ROS1: variants seen among roughly 807,000 people sequenced by gnomAD.
The protein encoded by ROS1 is ROS proto-oncogene 1, receptor tyrosine kinase.
A neutral mutation model predicts 273.5 loss-of-function variants in ROS1; 263 were observed. That is an observed-to-expected ratio of 0.96 (90% CI 0.87 to 1.06). ROS1 has a LOEUF of 1.06. Ranked by LOEUF, ROS1 falls within the 50% of genes least tolerant of loss-of-function variation. The pLI, the probability that ROS1 is intolerant of heterozygous loss-of-function variation, is 0.00. For missense variants in ROS1, 2,833 were observed against 2,751.1 expected (o/e 1.03, Z -0.67); for synonymous variants, 1,008 against 954.1 (o/e 1.06, Z -1.04).
chr6:117,409,536 T>A (rs1359331580), intron 5 of ROS1, 46 bp downstream of exon 5: 1 of 1,348,386 alleles, frequency 7.4e-7, no homozygotes, highest in Non-Finnish European at 1.1e-6. Context: ...TACAAGTCAC[T>A]AGAGTGGTGC....
At chr6:117,341,691 A>C in intron 29 of ROS1, 59 bp from the exon 30 acceptor site, 3 of 1,319,472 alleles carry the variant, frequency 2.3e-6, no homozygotes, top group Non-Finnish European at 3.3e-6. Context: ...AGATGGAAAG[A>C]AGTAATGGAG....
chr6:117,365,985 T>A (rs1174002169), intron 19 of ROS1, 91 bp downstream of exon 19: 2 of 1,185,494 alleles, frequency 1.7e-6, no homozygotes, highest in Admixed American at 3.9e-5. Context: ...CTCTTAAAAC[T>A]TAATTCTTAA....
At chr6:117,411,219 ATCTCTCTC>A (rs3839368) in intron 4 of ROS1, among the ~76,000 whole-genome samples, 7 of 133,754 alleles carry the variant, frequency 5.2e-5, no homozygotes, top group East Asian at 2.3e-4. Flanking sequence ...CCTTCTCTCA[ATCTCTCTC>A]TCTCTCTCTC....
At chr6:117,379,279 G>C in intron 17 of ROS1, 120 bp from the exon 18 acceptor site, 1 of 617,038 alleles carries the variant, frequency 1.6e-6, no homozygotes, top group Non-Finnish European at 2.8e-6. Context: ...AATAAATTCA[G>C]TAATTTTTAC....
At position 117,287,490 on chromosome 6, in the gene ROS1, A is replaced by T. The variant is rs887450509; in HGVS notation, c.*1002T>A. ...TAATTTCCATAATAGCACACAAGTCAGAGTGATTTTATACAACTGAAGATT... is the reference window on the plus strand; with the variant it reads ...TAATTTCCATAATAGCACACAAGTCTGAGTGATTTTATACAACTGAAGATT... On this transcript the variant is annotated 3_prime_UTR_variant, in exon 44 of 44. Coordinates refer to ENST00000368507, the MANE Select transcript of ROS1 (RefSeq NM_001378902.1). 2.0e-5 allele frequency among the ~76,000 whole-genome samples: 3 copies of T among 152,250 alleles called. No homozygotes were observed. The highest frequency in any genetic ancestry group is 7.2e-5 in the African/African-American group (3 of 41,466).
chr6:117,383,366 C>T lies in ROS1; in HGVS notation c.2432G>A (p.Gly811Glu). 1 of 1,614,014 alleles carries T rather than the reference C, an allele frequency of 6.2e-7. No homozygotes were observed. Among genetic ancestry groups the T allele is most frequent in the South Asian group, 1.1e-5 (1 of 91,074 alleles). ...TGTCTGTAGTACAAGGGAACTTTCC[C>T]CATTTAGTCTGGTGCTTTCCACTGA... is the stretch of plus-strand genomic sequence containing the variant. ...LYSVESTRLNGESSLVLQTQP... is the reference protein window; with the variant it reads ...LYSVESTRLNEESSLVLQTQP... Residue 811 changes from glycine (G) to glutamate (E), a missense_variant, in exon 17 of 44, where the codon GGG (glycine) becomes GAG (glutamate). Coordinates refer to ENST00000368507, the MANE Select transcript of ROS1 (RefSeq NM_001378902.1).
chr6:117,344,260 T>A lies in ROS1; in HGVS notation c.4306A>T (p.Lys1436Ter). The change falls in exon 28 of 44, where the codon AAA (lysine) becomes TAA (stop). Residue 1436 changes from lysine (K) to a stop codon, truncating the protein, a stop_gained and splice_region_variant. Coordinates refer to ENST00000368507, the MANE Select transcript of ROS1 (RefSeq NM_001378902.1). LOFTEE classifies it high-confidence loss of function. ...TCTGAAGCTAGAGACAGAAACGCTTTATCTAAAATAAGAAGAAACCAAAAG... is the reference window on the plus strand; with the variant it reads ...TCTGAAGCTAGAGACAGAAACGCTTAATCTAAAATAAGAAGAAACCAAAAG... ...YSSVMQPFPD[K>*]AFLSLASDTV... 4 of 1,611,978 alleles carry A rather than the reference T, an allele frequency of 2.5e-6. No individual in the cohort carries two copies. The highest frequency in any genetic ancestry group is 3.4e-6 in the Non-Finnish European group (4 of 1,178,286).
At chr6:117,421,677 A>G (rs905056276) in intron 1 of ROS1, among the ~76,000 whole-genome samples, 1 of 152,138 alleles carries the variant, frequency 6.6e-6, no homozygotes, top group Non-Finnish European at 1.5e-5. Flanking sequence ...ATGGACACTT[A>G]TACTTCTTTT....
intron 26 of ROS1, among the ~76,000 whole-genome samples, chr6:117,354,642 C>T (rs1562306430): frequency 6.6e-6 from 1 of 152,092 alleles, no homozygotes; most frequent in Non-Finnish European, 1.5e-5. Flanking sequence ...ATCATAACAT[C>T]TAAATGATCC....
At chr6:117,398,391 ATTTAGGCCGGGTGCAGTGG>A (rs368989827) in intron 7 of ROS1, among the ~76,000 whole-genome samples, 7 of 152,322 alleles carry the variant, frequency 4.6e-5, no homozygotes, top group African/African-American at 1.7e-4. Flanking sequence ...CAATAGCACC[ATTTAGGCCGGGTGCAGTGG>A]TTTACACCTG....
intron 39 of ROS1, 102 bp from the exon 40 acceptor site, chr6:117,311,219 G>A (rs1775521991): frequency 5.6e-6 from 3 of 535,362 alleles, no homozygotes; most frequent in Admixed American, 3.6e-5. Flanking sequence ...GCATATGCAT[G>A]TATGTATCTG....
chr6:117,343,047 T>C (rs1322536980), intron 28 of ROS1, among the ~76,000 whole-genome samples: 3 of 152,044 alleles, frequency 2.0e-5, no homozygotes, highest in Non-Finnish European at 4.4e-5. Flanking sequence ...GAGATTCTGA[T>C]TGAGTTATCT....
chr6:117,396,691 T>A lies in ROS1; in HGVS notation c.806+224A>T, dbSNP rs140446702. Reference sequence around the variant, plus strand: ...TCTTTATTAGCCATATTTATAAGTATCCTCTGAATATAATAGAAATACTTG... The same window carrying A: ...TCTTTATTAGCCATATTTATAAGTAACCTCTGAATATAATAGAAATACTTG... On this transcript the variant is annotated intron_variant, in intron 8 of 43. Transcript: ENST00000368507. Among the ~76,000 whole-genome samples, 5 of 152,294 alleles carry A rather than the reference T, an allele frequency of 3.3e-5. No individual in the cohort carries two copies. In the East Asian group the frequency reaches 9.6e-4, roughly 29 times the overall value.
intron 5 of ROS1, 59 bp from the exon 6 acceptor site, chr6:117,404,487 G>C (rs9282842): frequency 8.1e-5 from 122 of 1,501,576 alleles, no homozygotes; most frequent in Non-Finnish European, 1.1e-4. Context: ...GCAAGAGAGT[G>C]TGTGCCTCTC....
At chr6:117,320,906 G>A (rs893445171) in intron 36 of ROS1, among the ~76,000 whole-genome samples, 7 of 149,666 alleles carry the variant, frequency 4.7e-5, no homozygotes, top group Admixed American at 6.7e-5. Flanking sequence ...GGCTGACCAC[G>A]TAACACAAGG....
intron 7 of ROS1, among the ~76,000 whole-genome samples, chr6:117,401,803 T>TA (rs35593860): frequency 0.072 from 6,421 of 89,108 alleles, 315 homozygotes; most frequent in East Asian, 0.17. Flanking sequence ...AACTTTTCAG[T>TA]AAAAAAAAAA....
At chr6:117,348,355 T>G (rs1240779292) in intron 27 of ROS1, among the ~76,000 whole-genome samples, 1 of 151,964 alleles carries the variant, frequency 6.6e-6, no homozygotes, top group Non-Finnish European at 1.5e-5. Flanking sequence ...ATCTAGGTTA[T>G]TAAATTTGTG....
chr6:117,308,013 T>C (rs1159672671), intron 42 of ROS1, among the ~76,000 whole-genome samples: 1 of 152,144 alleles, frequency 6.6e-6, no homozygotes, highest in East Asian at 1.9e-4. Flanking sequence ...ACCTCTGTAA[T>C]CCATACAATC....
chr6:117,315,131 C>T (rs1315778315), intron 39 of ROS1, among the ~76,000 whole-genome samples: 2 of 151,994 alleles, frequency 1.3e-5, no homozygotes, highest in African/African-American at 4.8e-5. Context: ...AAGAACAAGA[C>T]TGTGAAAAAT....
Sources: gnomAD v4.1 joint callset for allele counts (sites outside exome capture counted in the v4.1 genomes callset) on GRCh38, gnomAD v4.1.1 for gene constraint, MANE v1.5 for transcripts, NCBI Gene and HGNC (gene_info 2026-07-23, HGNC 2026-07-21) for gene names.